The following DOP1B variants were observed in gnomAD, a reference collection of about 807,000 sequenced individuals.
The protein encoded by DOP1B is protein DOP1B.
DOP1B carries 174 observed loss-of-function variants against 233.5 expected under a neutral mutation model. The ratio of observed to expected loss-of-function variants is 0.75; its 90% CI spans 0.66 to 0.85. The LOEUF (loss-of-function observed/expected upper bound fraction) is 0.85. Among genes scored for constraint, DOP1B ranks in the 40% least tolerant of loss-of-function variants. The pLI is 0.00. For synonymous variants in DOP1B, 1,190 were observed against 1,185.6 expected (o/e 1.00, Z -0.08); for missense variants, 2,652 against 2,846.6 (o/e 0.93, Z 1.56).
chr21:36,222,443 G>T (rs756153014), intron 10 of DOP1B, among the ~76,000 whole-genome samples: 2 of 151,534 alleles, frequency 1.3e-5, no homozygotes, highest in Non-Finnish European at 2.9e-5. Flanking sequence ...TTAGCTGGGC[G>T]TGGTGGTGCA....
chr21:36,207,476 C>G (rs1394087201), intron 4 of DOP1B, among the ~76,000 whole-genome samples: 1 of 150,842 alleles, frequency 6.6e-6, no homozygotes, highest in Admixed American at 6.6e-5. Context: ...TGAGCCACCA[C>G]GCCCAGCCAA....
chr21:36,174,319 C>T (rs1355750197), intron 2 of DOP1B, among the ~76,000 whole-genome samples: 1 of 152,146 alleles, frequency 6.6e-6, no homozygotes, highest in Non-Finnish European at 1.5e-5. Context: ...GAAACCCCGT[C>T]TCTACTAAAA....
chr21:36,223,125 C>T, intron 10 of DOP1B, 106 bp from the exon 11 acceptor site: 3 of 1,203,744 alleles, frequency 2.5e-6, no homozygotes, highest in Non-Finnish European at 3.5e-6. Flanking sequence ...GTCAGCTTCT[C>T]TAGAAATAAG....
chr21:36,210,927 C>G (rs1033306289), intron 5 of DOP1B, among the ~76,000 whole-genome samples: 5 of 152,240 alleles, frequency 3.3e-5, no homozygotes, highest in African/African-American at 1.2e-4. Flanking sequence ...TCCCTGCAGG[C>G]CCTGCGCTCC....
At chr21:36,182,857 G>A (rs2066116801) in intron 2 of DOP1B, among the ~76,000 whole-genome samples, 1 of 152,184 alleles carries the variant, frequency 6.6e-6, no homozygotes. Context: ...ATCATTGACA[G>A]CATGTAAGGC....
chr21:36,228,479 A>G (rs1262983685), intron 13 of DOP1B, among the ~76,000 whole-genome samples: 4 of 151,770 alleles, frequency 2.6e-5, no homozygotes, highest in African/African-American at 9.7e-5. Context: ...AATAAATAAA[A>G]ATAAGGGCTG....
Position 36,203,494 on chromosome 21 carries a change from G to A in DOP1B, c.491+2993G>A, listed in dbSNP as rs368933355. 1.4e-4 allele frequency among the ~76,000 whole-genome samples: 22 copies of A among 152,282 alleles called. No homozygotes were observed. In the South Asian group the frequency reaches 4.6e-3, roughly 32 times the overall value. ...GAGGCAGAAGAATCACTTGAACCTC[G>A]GAGGTGGAGGTTGCAGTGAGCCAAG... is the stretch of plus-strand genomic sequence containing the variant. On this transcript the variant is annotated intron_variant, in intron 4 of 36. Transcript: ENST00000691173.
Position 36,157,859 on chromosome 21 carries a change from C to T in DOP1B, c.-27+916C>T, listed in dbSNP as rs369548387. Among the ~76,000 whole-genome samples, 10 of 152,148 alleles carry T rather than the reference C, an allele frequency of 6.6e-5. No individual in the cohort carries two copies. The South Asian group carries it at 8.3e-4, about 13-fold the overall frequency. On this transcript the variant is annotated intron_variant, in intron 1 of 36. Coordinates refer to ENST00000691173, the MANE Select transcript of DOP1B (RefSeq NM_001320714.2). ...GTAGGGTCACTGTCCTCATTTTCAT[C>T]GAACTGAGAAATGTTCCTTCATATA...
At chr21:36,199,832 A>G (rs1346948512) in intron 3 of DOP1B, among the ~76,000 whole-genome samples, 1 of 152,118 alleles carries the variant, frequency 6.6e-6, no homozygotes, top group African/African-American at 2.4e-5. Flanking sequence ...AATCCAGTCT[A>G]TCATCGATGG....
At chr21:36,164,361 G>A (rs532227422) in intron 1 of DOP1B, among the ~76,000 whole-genome samples, 1 of 152,144 alleles carries the variant, frequency 6.6e-6, no homozygotes, top group East Asian at 1.9e-4. Context: ...CATATGATGG[G>A]AGGGGCTGTG....
chr21:36,266,699 A>G lies in DOP1B; in HGVS notation c.5487+2885A>G, dbSNP rs746179152. 3.9e-5 allele frequency among the ~76,000 whole-genome samples: 6 copies of G among 152,312 alleles called. 1 individual carries two copies. The East Asian group carries it at 5.8e-4, about 15-fold the overall frequency. On this transcript the variant is annotated intron_variant, in intron 26 of 36. Coordinates refer to ENST00000691173, the MANE Select transcript of DOP1B (RefSeq NM_001320714.2). The stretch of plus-strand genomic sequence containing the variant: ...TTAAATCACTGGTCATTGGTGATCA[A>G]TTTAACCTTTAGCCCCTCTCCCCTT...
chr21:36,263,398 A>G (rs943686548), intron 24 of DOP1B, 148 bp from the exon 25 acceptor site: 2 of 667,716 alleles, frequency 3.0e-6, no homozygotes, highest in East Asian at 5.4e-5. Flanking sequence ...TAGCTCATGT[A>G]CATTGTAAGT....
chr21:36,288,805 C>T lies in DOP1B; in HGVS notation c.6347C>T (p.Ser2116Leu), dbSNP rs1384443202. 1.2e-6 allele frequency: 2 copies of T among 1,612,316 alleles called. No individual in the cohort carries two copies. The highest frequency in any genetic ancestry group is 2.7e-5 in the African/African-American group (2 of 74,846). ...GAAGATCTAAAAGATGAAGATGAGT[C>T]ATTGAGGTAAGCAGTACAAGATCTG... ...LEEDLKDEDE[S>L]LRSTNKVNRT... Residue 2116 changes from serine (S) to leucine (L), a missense_variant, in exon 34 of 37, where the codon TCA becomes TTA. Transcript: ENST00000691173.
At chr21:36,181,990 C>G (rs762807320) in intron 2 of DOP1B, among the ~76,000 whole-genome samples, 1 of 152,176 alleles carries the variant, frequency 6.6e-6, no homozygotes, top group Non-Finnish European at 1.5e-5. Flanking sequence ...ATTACCTGAT[C>G]AACATGTAAA....
intron 2 of DOP1B, among the ~76,000 whole-genome samples, chr21:36,197,999 A>G (rs7280281): frequency 0.63 from 92,629 of 147,296 alleles, 29,627 homozygotes; most frequent in African/African-American, 0.74. Flanking sequence ...CGGCCTGGGC[A>G]ACAGAGCAAG....
chr21:36,252,771 A>G (rs1056607918), intron 22 of DOP1B, among the ~76,000 whole-genome samples: 2 of 152,120 alleles, frequency 1.3e-5, no homozygotes, highest in Non-Finnish European at 2.9e-5. Context: ...CGGCCTCCCA[A>G]GGTGCTGGGA....
intron 27 of DOP1B, among the ~76,000 whole-genome samples, chr21:36,270,958 T>C (rs150527542): frequency 1.3e-5 from 2 of 149,880 alleles, no homozygotes; most frequent in African/African-American, 4.9e-5. Context: ...GTGATGCATG[T>C]CTTAACTTGT....
chr21:36,270,753 A>C (rs1013123142), intron 27 of DOP1B, among the ~76,000 whole-genome samples: 1 of 150,990 alleles, frequency 6.6e-6, no homozygotes, highest in East Asian at 1.9e-4. Flanking sequence ...ATCTTAACTA[A>C]AAATACAAAA....
chr21:36,193,325 G>T (rs74801932), intron 2 of DOP1B, among the ~76,000 whole-genome samples: 3,025 of 152,272 alleles, frequency 0.02, 97 homozygotes, highest in African/African-American at 0.069. Context: ...TGACAGTCGC[G>T]TAGAATGACT....
Sources: gnomAD v4.1 joint callset for allele counts (sites outside exome capture counted in the v4.1 genomes callset) on GRCh38, gnomAD v4.1.1 for gene constraint, MANE v1.5 for transcripts, NCBI Gene and HGNC (gene_info 2026-07-23, HGNC 2026-07-21) for gene names.